Variants in DLG2 observed in about 807,000 individuals in gnomAD.
DLG2 encodes the protein disks large homolog 2.
Under a neutral mutation model 132.5 loss-of-function variants are expected in DLG2, and 45 were observed. The observed-to-expected ratio is 0.34, with a 90% CI of 0.27 to 0.44. The LOEUF (loss-of-function observed/expected upper bound fraction) is 0.44, where lower values mean the gene tolerates loss of function less well. DLG2 is among the 20% of genes least tolerant of loss of function. DLG2 has a pLI of 1.00. For missense variants in DLG2, 1,045 were observed against 1,196.9 expected (o/e 0.87, Z 1.87); for synonymous variants, 424 against 419.6 (o/e 1.01, Z -0.13).
chr11:84,976,426 G>A (rs989632657), intron 6 of DLG2, among the ~76,000 whole-genome samples: 11 of 152,174 alleles, frequency 7.2e-5, no homozygotes, highest in African/African-American at 2.2e-4. Context: ...CTATGTACTT[G>A]TGATAATAAA....
chr11:83,496,405 A>G (rs532298606), intron 21 of DLG2, among the ~76,000 whole-genome samples: 5 of 152,216 alleles, frequency 3.3e-5, no homozygotes, highest in Admixed American at 6.5e-5. Flanking sequence ...ATAGTTTGGT[A>G]TCTTCTTGTA....
chr11:85,072,166 A>C (rs568078123), intron 6 of DLG2, among the ~76,000 whole-genome samples: 1 of 151,836 alleles, frequency 6.6e-6, no homozygotes, highest in Non-Finnish European at 1.5e-5. Context: ...GTTCTCTTAC[A>C]TTCTAATTTT....
intron 3 of DLG2, among the ~76,000 whole-genome samples, chr11:85,415,948 G>A (rs563030482): frequency 3.9e-5 from 6 of 152,316 alleles, no homozygotes; most frequent in African/African-American, 1.4e-4. Context: ...CTTGGCCCAT[G>A]CCTATGTCAT....
intron 7 of DLG2, among the ~76,000 whole-genome samples, chr11:84,265,069 C>T (rs557446546): frequency 1.3e-5 from 2 of 152,118 alleles, no homozygotes; most frequent in Admixed American, 6.5e-5. Flanking sequence ...GATCTTTCTC[C>T]TCACTTCTGC....
intron 18 of DLG2, among the ~76,000 whole-genome samples, chr11:83,736,496 T>G (rs1032613882): frequency 6.6e-6 from 1 of 152,176 alleles, no homozygotes; most frequent in Admixed American, 6.6e-5. Context: ...TTGGCAAGAT[T>G]GGCTATTTAT....
At chr11:83,535,864 G>A (rs943540693) in intron 20 of DLG2, among the ~76,000 whole-genome samples, 1 of 152,068 alleles carries the variant, frequency 6.6e-6, no homozygotes, top group African/African-American at 2.4e-5. Flanking sequence ...AAGGATTTAG[G>A]TATTATCAAT....
chr11:85,067,331 T>G (rs2065079239), intron 6 of DLG2, among the ~76,000 whole-genome samples: 1 of 151,924 alleles, frequency 6.6e-6, no homozygotes, highest in African/African-American at 2.4e-5. Context: ...GGGTTTTTTG[T>G]GTCTCTATCT....
intron 5 of DLG2, among the ~76,000 whole-genome samples, chr11:85,145,831 C>T (rs1453869637): frequency 7.9e-5 from 12 of 151,986 alleles, no homozygotes; most frequent in Non-Finnish European, 1.6e-4. Context: ...GAATTTGTCA[C>T]TGGTGACTTA....
At chr11:83,981,157 G>T (rs1321554311) in intron 11 of DLG2, among the ~76,000 whole-genome samples, 1 of 152,094 alleles carries the variant, frequency 6.6e-6, no homozygotes, top group African/African-American at 2.4e-5. Context: ...AAATTCTGAG[G>T]CAAGAGCCAT....
chr11:85,210,797 C>G (rs2082204477), intron 4 of DLG2, among the ~76,000 whole-genome samples: 1 of 152,128 alleles, frequency 6.6e-6, no homozygotes, highest in Admixed American at 6.6e-5. Context: ...ATCAACTTAG[C>G]TGAAACTTCT....
chr11:83,843,392 T>G (rs925722166), intron 16 of DLG2, among the ~76,000 whole-genome samples: 8 of 152,200 alleles, frequency 5.3e-5, no homozygotes, highest in African/African-American at 1.9e-4. Flanking sequence ...CCAGAAGAAC[T>G]GACTTTTTTG....
intron 5 of DLG2, among the ~76,000 whole-genome samples, chr11:85,145,851 T>C (rs547093020): frequency 5.9e-5 from 9 of 152,094 alleles, no homozygotes; most frequent in Non-Finnish European, 1.3e-4. Flanking sequence ...ATTTAGTTTG[T>C]TTAGTAGATC....
chr11:84,745,488 TC>T (rs2153829112), intron 6 of DLG2, among the ~76,000 whole-genome samples: 1 of 152,292 alleles, frequency 6.6e-6, no homozygotes, highest in African/African-American at 2.4e-5. Context: ...CTGCTGTACT[TC>T]CTGTACAGCC....
chr11:84,799,649 A>G (rs1304199602), intron 6 of DLG2, among the ~76,000 whole-genome samples: 2 of 152,170 alleles, frequency 1.3e-5, no homozygotes, highest in Non-Finnish European at 2.9e-5. Context: ...TCTTACGTCT[A>G]GAGGAAAGAT....
chr11:83,853,888 A>T (rs778432886), intron 16 of DLG2, among the ~76,000 whole-genome samples: 27 of 152,164 alleles, frequency 1.8e-4, no homozygotes, highest in Non-Finnish European at 3.2e-4. Flanking sequence ...TAATACAATC[A>T]GACAAGAAAA....
At chr11:84,242,657 C>A (rs34396235) in intron 8 of DLG2, among the ~76,000 whole-genome samples, 1 of 152,118 alleles carries the variant, frequency 6.6e-6, no homozygotes. Context: ...TTGCCCACCT[C>A]GGCCTCCCAT....
chr11:83,857,568 G>T (rs535905844), intron 16 of DLG2, among the ~76,000 whole-genome samples: 16 of 152,198 alleles, frequency 1.1e-4, no homozygotes, highest in Non-Finnish European at 2.4e-4. Flanking sequence ...AATTTTTAGG[G>T]CAGGGAAACT....
At chr11:84,316,740 A>G (rs2098360676) in intron 7 of DLG2, 3 of 1,417,634 alleles carry the variant, frequency 2.1e-6, no homozygotes, top group Non-Finnish European at 2.8e-6. Flanking sequence ...GGTACTCTGC[A>G]AAGTTTCCAA....
intron 6 of DLG2, among the ~76,000 whole-genome samples, chr11:84,967,236 G>A (rs887637023): frequency 1.2e-4 from 18 of 151,906 alleles, no homozygotes; most frequent in African/African-American, 3.9e-4. Context: ...GGCAACTATC[G>A]GGAACACATC....
Sources: gnomAD v4.1 joint callset for allele counts (sites outside exome capture counted in the v4.1 genomes callset) on GRCh38, gnomAD v4.1.1 for gene constraint, MANE v1.5 for transcripts, NCBI Gene and HGNC (gene_info 2026-07-23, HGNC 2026-07-21) for gene names.